TACC2: variants seen among roughly 807,000 people sequenced by gnomAD.
TACC2 encodes the protein transforming acidic coiled-coil-containing protein 2.
A neutral mutation model predicts 227.3 loss-of-function variants in TACC2; 137 were observed. The ratio of observed to expected loss-of-function variants is 0.60; its 90% confidence interval spans 0.52 to 0.69. TACC2 has a LOEUF of 0.69. Ranked by LOEUF, TACC2 falls within the 30% of genes least tolerant of loss-of-function variation. The pLI is 0.00. For synonymous variants in TACC2, 1,523 were observed against 1,487.5 expected (o/e 1.02, Z -0.55); for missense variants, 3,470 against 3,694.4 (o/e 0.94, Z 1.57).
intron 3 of TACC2, among the ~76,000 whole-genome samples, chr10:122,078,195 CAAAAAAAA>C (rs1175837364): frequency 2.7e-5 from 1 of 37,656 alleles, no homozygotes; most frequent in African/African-American, 1.1e-4. Flanking sequence ...ACTCCATCTC[CAAAAAAAA>C]AAAAAAAAAA....
chr10:122,149,159 G>A (rs896635501), intron 7 of TACC2, among the ~76,000 whole-genome samples: 6 of 152,374 alleles, frequency 3.9e-5, no homozygotes, highest in Admixed American at 6.5e-5. Context: ...GAGAGCTTGT[G>A]GCAAAGAGCC....
chr10:122,203,900 A>G (rs2094993129), intron 8 of TACC2, among the ~76,000 whole-genome samples: 1 of 152,046 alleles, frequency 6.6e-6, no homozygotes, highest in African/African-American at 2.4e-5. Context: ...CTCCGTCTGC[A>G]ATCCCGGCAC....
intron 5 of TACC2, among the ~76,000 whole-genome samples, chr10:122,126,101 CA>C (rs66639825): frequency 0.61 from 92,692 of 151,698 alleles, 32,710 homozygotes; most frequent in Non-Finnish European, 0.77. Context: ...TCACACTCCC[CA>C]CCGCCTGCCT....
chr10:122,090,101 A>G (rs1344447232), intron 5 of TACC2, among the ~76,000 whole-genome samples: 1 of 151,744 alleles, frequency 6.6e-6, no homozygotes, highest in African/African-American at 2.4e-5. Context: ...ACATGTTAGC[A>G]CCTTCTTGGA....
At chr10:122,186,711 C>T (rs1490323727) in intron 7 of TACC2, among the ~76,000 whole-genome samples, 1 of 151,946 alleles carries the variant, frequency 6.6e-6, no homozygotes, top group African/African-American at 2.4e-5. Context: ...TGGGGTTTCA[C>T]CATGTTGGCC....
intron 11 of TACC2, among the ~76,000 whole-genome samples, chr10:122,218,616 A>G (rs1443693396): frequency 6.6e-6 from 1 of 152,212 alleles, no homozygotes; most frequent in Non-Finnish European, 1.5e-5. Flanking sequence ...AAGATGATCC[A>G]AATTATGTAT....
rs368611750 is a variant in TACC2, at chr10:122,090,829, G to T, written c.5573+2238G>T. Among the ~76,000 whole-genome samples the T allele has an allele frequency of 1.1e-4, 16 of 152,146 alleles. No individual in the cohort carries two copies. In the East Asian group the frequency reaches 2.7e-3, roughly 26 times the overall value. On this transcript the variant is annotated intron_variant, in intron 5 of 22. Coordinates refer to ENST00000369005, the MANE Select transcript of TACC2 (RefSeq NM_206862.4). ...AGTGGCACAATCTCTGCTCAATGCAGCCTCGACCACCCCAGGATCCTCCCA... is the reference window on the plus strand; with the variant it reads ...AGTGGCACAATCTCTGCTCAATGCATCCTCGACCACCCCAGGATCCTCCCA...
chr10:122,164,782 A>C (rs1376001731), intron 7 of TACC2, among the ~76,000 whole-genome samples: 3 of 152,204 alleles, frequency 2.0e-5, no homozygotes, highest in Non-Finnish European at 4.4e-5. Context: ...TGGACCTCCC[A>C]GCCTCACCTG....
intron 2 of TACC2, among the ~76,000 whole-genome samples, chr10:122,032,064 C>A (rs1591284064): frequency 6.6e-6 from 1 of 152,210 alleles, no homozygotes; most frequent in African/African-American, 2.4e-5. Flanking sequence ...GTGTCATGTA[C>A]CCTCTCTGAA....
intron 7 of TACC2, among the ~76,000 whole-genome samples, chr10:122,189,233 G>T (rs2094324828): frequency 6.6e-6 from 1 of 152,058 alleles, no homozygotes; most frequent in Non-Finnish European, 1.5e-5. Context: ...TCATTCAGCG[G>T]AATATTTTGT....
chr10:122,194,436 C>T lies in TACC2; in HGVS notation c.5835-604C>T, dbSNP rs980608070. On this transcript the variant is annotated intron_variant, in intron 7 of 22. Transcript: ENST00000369005. This position sits in a 1 kb window ranked among gnomAD's most constrained non-coding sequence, Gnocchi z 4.4. ...TGGTCTGATGCACCCTCTGCCTGGC[C>T]GGCTTGCTGGCTTCCTTCGTTCACT... Among the ~76,000 whole-genome samples, 3 of 152,198 alleles carry T rather than the reference C, an allele frequency of 2.0e-5. No individual in the cohort carries two copies. Among genetic ancestry groups the T allele is most frequent in the Admixed American group, 6.5e-5 (1 of 15,282 alleles).
At chr10:122,224,644 G>A in intron 11 of TACC2, 82 bp from the exon 12 acceptor site, 1 of 1,269,848 alleles carries the variant, frequency 7.9e-7, no homozygotes, top group South Asian at 1.2e-5. Flanking sequence ...ACCCTGCCTG[G>A]CTCAGATCTT....
At chr10:122,044,356 G>T (rs146315498) in intron 2 of TACC2, among the ~76,000 whole-genome samples, 1 of 152,382 alleles carries the variant, frequency 6.6e-6, no homozygotes, top group Non-Finnish European at 1.5e-5. Flanking sequence ...TAGCAGAACT[G>T]GTGTGAGCAT....
At chr10:122,041,379 G>A (rs1222848379) in intron 2 of TACC2, among the ~76,000 whole-genome samples, 1 of 151,672 alleles carries the variant, frequency 6.6e-6, no homozygotes, top group East Asian at 1.9e-4. Context: ...AAGAAGTTGA[G>A]CAAAGAACAA....
At chr10:122,079,853 A>G (rs56102604) in intron 3 of TACC2, among the ~76,000 whole-genome samples, 16,578 of 152,298 alleles carry the variant, frequency 0.11, 1,107 homozygotes, top group Middle Eastern at 0.2. Context: ...GCAGGGCTAA[A>G]TGAGATAATC....
intron 5 of TACC2, among the ~76,000 whole-genome samples, chr10:122,120,540 G>A (rs1282951905): frequency 6.6e-6 from 1 of 152,196 alleles, no homozygotes; most frequent in Non-Finnish European, 1.5e-5. Flanking sequence ...CTCCCTCTTT[G>A]TCGCACATCA....
chr10:122,136,466 CT>C (rs1253921450), intron 6 of TACC2, among the ~76,000 whole-genome samples: 4 of 150,694 alleles, frequency 2.7e-5, no homozygotes, highest in Non-Finnish European at 4.4e-5. Context: ...AGAGGTGTGC[CT>C]TTTCAGTAGT....
Position 122,210,367 on chromosome 10 carries a change from T to G in TACC2, c.5972-30T>G, listed in dbSNP as rs1289248359. On this transcript the variant is annotated intron_variant, in intron 8 of 22. Coordinates refer to ENST00000369005, the MANE Select transcript of TACC2 (RefSeq NM_206862.4). The surrounding 1 kb of genome is among the most constrained non-coding windows in gnomAD (Gnocchi z 4.6). ...GGTGCCCCAATGCGTCCTGTGTCTG[T>G]AATTGATGGCGTTGTCTGTGTTTCC... is the stretch of plus-strand genomic sequence containing the variant. 1 of 1,558,690 alleles carries G rather than the reference T, an allele frequency of 6.4e-7. No individual in the cohort carries two copies. Among genetic ancestry groups the G allele is most frequent in the Non-Finnish European group, 8.9e-7 (1 of 1,129,818 alleles).
intron 3 of TACC2, among the ~76,000 whole-genome samples, chr10:122,056,931 C>T (rs1465589819): frequency 3.3e-5 from 5 of 152,204 alleles, no homozygotes; most frequent in African/African-American, 1.2e-4. Flanking sequence ...GTGACTCATG[C>T]CTATAATCCC....
Sources: allele counts gnomAD v4.1 joint callset (sites outside exome capture counted in the v4.1 genomes callset), GRCh38; gene constraint gnomAD v4.1.1; non-coding constraint Gnocchi (gnomAD v3.1); transcripts MANE v1.5; gene names NCBI Gene and HGNC (gene_info 2026-07-23, HGNC 2026-07-21).